SGCZ: variants seen among roughly 807,000 people sequenced by gnomAD.
SGCZ encodes zeta-sarcoglycan.
Under a neutral mutation model 41.3 loss-of-function variants are expected in SGCZ, and 40 were observed. The observed-to-expected ratio is 0.97, with a 90% CI of 0.75 to 1.26. The LOEUF is 1.26. Among genes scored for constraint, SGCZ ranks in the 50% most tolerant of loss-of-function variants. The pLI is 0.00. For synonymous variants in SGCZ, 206 were observed against 137.5 expected, an observed-to-expected ratio of 1.50 and a Z score of -3.49; for missense variants, 552 against 369.8, an observed-to-expected ratio of 1.49 and a Z score of -4.04.
At chr8:15,168,523 T>A (rs1184966963) in intron 1 of SGCZ, among the ~76,000 whole-genome samples, 1 of 151,556 alleles carries the variant, frequency 6.6e-6, no homozygotes, top group Non-Finnish European at 1.5e-5. Context: ...TGGCAGTACC[T>A]GCCAAGGTCG....
chr8:15,155,833 G>A (rs1799314409), intron 1 of SGCZ, among the ~76,000 whole-genome samples: 1 of 152,062 alleles, frequency 6.6e-6, no homozygotes, highest in Non-Finnish European at 1.5e-5. Context: ...TGAGGCAGGT[G>A]GACTGCCTGA....
intron 2 of SGCZ, among the ~76,000 whole-genome samples, chr8:14,457,270 G>C (rs1002364099): frequency 1.2e-4 from 18 of 152,204 alleles, no homozygotes; most frequent in Non-Finnish European, 2.5e-4. Flanking sequence ...AACTAGAAAA[G>C]AGTGCGAGCC....
intron 1 of SGCZ, among the ~76,000 whole-genome samples, chr8:15,133,144 A>T (rs138464085): frequency 0.01 from 1,547 of 151,328 alleles, 15 homozygotes; most frequent in Middle Eastern, 0.045. Context: ...CCCTGTCTCA[A>T]AATATATAAA....
At chr8:14,231,699 G>T (rs1486567371) in intron 4 of SGCZ, among the ~76,000 whole-genome samples, 3 of 152,034 alleles carry the variant, frequency 2.0e-5, no homozygotes, top group Non-Finnish European at 4.4e-5. Flanking sequence ...TAGGCTCAAT[G>T]ATTCTTTTAA....
intron 1 of SGCZ, among the ~76,000 whole-genome samples, chr8:14,901,642 A>G (rs1004321559): frequency 4.6e-5 from 7 of 152,078 alleles, no homozygotes; most frequent in African/African-American, 1.4e-4. Context: ...TATGTAAAAT[A>G]TCCTTTGTAT....
chr8:15,041,302 C>T (rs938819578), intron 1 of SGCZ, among the ~76,000 whole-genome samples: 1 of 151,700 alleles, frequency 6.6e-6, no homozygotes, highest in Non-Finnish European at 1.5e-5. Context: ...CCCTTGTTTA[C>T]ATATTTCAAA....
At chr8:14,570,770 T>C (rs1433448279) in intron 1 of SGCZ, among the ~76,000 whole-genome samples, 1 of 152,176 alleles carries the variant, frequency 6.6e-6, no homozygotes, top group Non-Finnish European at 1.5e-5. Context: ...TTCATATAAC[T>C]CACTTTCAAC....
At chr8:14,401,834 CT>C (rs993920056) in intron 2 of SGCZ, among the ~76,000 whole-genome samples, 1 of 150,672 alleles carries the variant, frequency 6.6e-6, no homozygotes, top group African/African-American at 2.5e-5. Context: ...AATGGTATTT[CT>C]AGTTCTAGAT....
chr8:15,009,913 C>T (rs1282011902), intron 1 of SGCZ, among the ~76,000 whole-genome samples: 1 of 152,122 alleles, frequency 6.6e-6, no homozygotes, highest in African/African-American at 2.4e-5. Flanking sequence ...CCATGCACAA[C>T]TTTTGAAGTC....
intron 1 of SGCZ, among the ~76,000 whole-genome samples, chr8:15,027,869 T>C (rs1000686226): frequency 6.6e-6 from 1 of 152,250 alleles, no homozygotes; most frequent in African/African-American, 2.4e-5. Flanking sequence ...TCTTCCTCTG[T>C]GTCTGAGACT....
Position 14,708,434 on chromosome 8 carries a change from CT to C in SGCZ, c.40-153509del, listed in dbSNP as rs528670376. Among the ~76,000 whole-genome samples the C allele has an allele frequency of 2.7e-3, 391 of 145,014 alleles. 3 individuals carry two copies. Among genetic ancestry groups the C allele is most frequent in the East Asian group, 0.022 (112 of 4,994 alleles). Reference sequence around the variant, plus strand: ...ACAGGCAGTCACTCCCATATGTTCTCTTTTTTTTTTTAATCATTTGGATATT... The same window carrying C: ...ACAGGCAGTCACTCCCATATGTTCTCTTTTTTTTTTAATCATTTGGATATT... On this transcript the variant is annotated intron_variant, in intron 1 of 7. Transcript: ENST00000382080.
intron 1 of SGCZ, among the ~76,000 whole-genome samples, chr8:15,197,349 AGAG>A (rs1482973905): frequency 6.6e-6 from 1 of 152,214 alleles, no homozygotes. Flanking sequence ...TTGAAGAAAA[AGAG>A]AAAGGATATA....
At chr8:15,056,772 T>G (rs1361909542) in intron 1 of SGCZ, among the ~76,000 whole-genome samples, 1 of 152,172 alleles carries the variant, frequency 6.6e-6, no homozygotes, top group African/African-American at 2.4e-5. Context: ...TAAATCCACC[T>G]TCCAAGTGAC....
chr8:14,128,600 C>T (rs1802937769), intron 5 of SGCZ, among the ~76,000 whole-genome samples: 1 of 152,112 alleles, frequency 6.6e-6, no homozygotes, highest in Non-Finnish European at 1.5e-5. Flanking sequence ...CTTGTAACTA[C>T]ATGTTTACTG....
intron 1 of SGCZ, among the ~76,000 whole-genome samples, chr8:14,888,764 T>A (rs56399873): frequency 6.6e-6 from 1 of 152,266 alleles, no homozygotes; most frequent in East Asian, 1.9e-4. Context: ...CTGAAACACA[T>A]TGTCTATATA....
At chr8:14,400,524 C>T (rs910091355) in intron 2 of SGCZ, among the ~76,000 whole-genome samples, 1 of 151,938 alleles carries the variant, frequency 6.6e-6, no homozygotes, top group Non-Finnish European at 1.5e-5. Flanking sequence ...TTGTTGGGTC[C>T]CACTGGGCAT....
intron 7 of SGCZ, among the ~76,000 whole-genome samples, chr8:14,102,088 A>T (rs1305521951): frequency 1.1e-3 from 106 of 99,570 alleles, no homozygotes; most frequent in Non-Finnish European, 1.6e-3. Flanking sequence ...ATATATATAT[A>T]TATATATATA....
chr8:14,705,355 C>G (rs994479407), intron 1 of SGCZ, among the ~76,000 whole-genome samples: 3 of 151,860 alleles, frequency 2.0e-5, no homozygotes, highest in Admixed American at 6.6e-5. Flanking sequence ...TGATTTTTTT[C>G]TGTATGATAC....
intron 4 of SGCZ, among the ~76,000 whole-genome samples, chr8:14,192,023 A>T (rs983185442): frequency 6.6e-6 from 1 of 152,108 alleles, no homozygotes; most frequent in Non-Finnish European, 1.5e-5. Context: ...CATACTATTA[A>T]TAGGAGGTAA....
Sources: allele counts gnomAD v4.1 joint callset (sites outside exome capture counted in the v4.1 genomes callset), GRCh38; gene constraint gnomAD v4.1.1; transcripts MANE v1.5; gene names NCBI Gene and HGNC (gene_info 2026-07-23, HGNC 2026-07-21).